The following RIMBP2 variants were observed in gnomAD, a reference collection of about 807,000 sequenced individuals.
RIMBP2 encodes RIMS binding protein 2.
In RIMBP2, 48 loss-of-function variants were observed where a neutral mutation model predicts 118.6. The ratio of observed to expected loss-of-function variants is 0.40; its 90% CI spans 0.32 to 0.51. The LOEUF is 0.51. Ranked by LOEUF, RIMBP2 falls within the 20% of genes least tolerant of loss-of-function variation. The probability of loss-of-function intolerance (pLI) is 0.41; values close to 1 mark genes in which losing one functional copy is unlikely to be tolerated. For missense variants in RIMBP2, 1,551 were observed against 1,768.3 expected, an observed-to-expected ratio of 0.88 and a Z score of 2.20; for synonymous variants, 762 against 742.9, an observed-to-expected ratio of 1.03 and a Z score of -0.42.
rs187123369 is a variant in RIMBP2, at chr12:130,621,449, C to T, written c.-217+6873G>A. Among the ~76,000 whole-genome samples the T allele has an allele frequency of 6.2e-4, 94 of 152,308 alleles. No homozygotes were observed. In the South Asian group the frequency reaches 7.9e-3, roughly 13 times the overall value. On this transcript the variant is annotated intron_variant, in intron 2 of 22. Coordinates refer to ENST00000690449, the MANE Select transcript of RIMBP2 (RefSeq NM_001393629.1). This position sits in a 1 kb window ranked among gnomAD's most constrained non-coding sequence, Gnocchi z 6.6. ...CCAAAACATCGGCAGAGTTCCTGGACGTAGCCGTTCCTGAAGCTAGAATCT... is the reference window on the plus strand; with the variant it reads ...CCAAAACATCGGCAGAGTTCCTGGATGTAGCCGTTCCTGAAGCTAGAATCT...
chr12:130,505,466 T>TC (rs1176206767), intron 4 of RIMBP2, among the ~76,000 whole-genome samples: 2 of 49,766 alleles, frequency 4.0e-5, no homozygotes, highest in African/African-American at 8.3e-5. Context: ...CTCATCCCCA[T>TC]CCCCCCCATC....
Position 130,535,752 on chromosome 12 carries a change from T to TACACATATAC in RIMBP2, c.-216-17836_-216-17835insGTATATGTGT, listed in dbSNP as rs2053998875. ...ACATATATATACATATATATATATATATATATATATATATATATATATATA... is the reference window on the plus strand; with the variant it reads ...ACATATATATACATATATATATATATACACATATACATATATATATATATATATATATATA... On this transcript the variant is annotated intron_variant, in intron 2 of 22. Coordinates refer to ENST00000690449, the MANE Select transcript of RIMBP2 (RefSeq NM_001393629.1). Among the ~76,000 whole-genome samples the TACACATATAC allele has an allele frequency of 9.1e-5, 5 of 54,912 alleles. 1 individual carries two copies. Among genetic ancestry groups the TACACATATAC allele is most frequent in the South Asian group, 1.5e-3 (2 of 1,322 alleles). 36.0% of individuals were successfully genotyped at this position (54,912 alleles called of 152,430 possible).
Position 130,576,618 on chromosome 12 carries a change from T to G in RIMBP2, c.-217+51704A>C, listed in dbSNP as rs2140132540. Among the ~76,000 whole-genome samples the G allele has an allele frequency of 6.6e-6, 1 of 152,232 alleles. No homozygotes were observed. Reference sequence around the variant, plus strand: ...AGTGGCTGGTAAACCCGAGCCTCCCTGGGTCTGGAAAATGGAGAGATGAGG... The same window carrying G: ...AGTGGCTGGTAAACCCGAGCCTCCCGGGGTCTGGAAAATGGAGAGATGAGG... On this transcript the variant is annotated intron_variant, in intron 2 of 22. Transcript: ENST00000690449. This position sits in a 1 kb window ranked among gnomAD's most constrained non-coding sequence, Gnocchi z 4.2.
chr12:130,549,361 G>T (rs1272313515), intron 2 of RIMBP2, among the ~76,000 whole-genome samples: 2 of 152,202 alleles, frequency 1.3e-5, no homozygotes, highest in African/African-American at 4.8e-5. Flanking sequence ...AAACAGTCCA[G>T]TGTTTTTTCT....
At chr12:130,533,582 C>G (rs2053703348) in intron 2 of RIMBP2, among the ~76,000 whole-genome samples, 1 of 152,208 alleles carries the variant, frequency 6.6e-6, no homozygotes, top group South Asian at 2.1e-4. Flanking sequence ...GAAAACAAAT[C>G]ATTGTATCAA....
rs199912220 is a variant in RIMBP2, at chr12:130,646,454, G to A, written c.-351-17998C>T. ...CTCCACCTCCCTTGCCACCTCCCTC[G>A]CCACCTCCCTCGCTACCTCCCTCAC... On this transcript the variant is annotated intron_variant, in intron 1 of 22. Coordinates refer to ENST00000690449, the MANE Select transcript of RIMBP2 (RefSeq NM_001393629.1). 2.4e-3 allele frequency among the ~76,000 whole-genome samples: 178 copies of A among 73,644 alleles called. 36 individuals are homozygous for A. Among genetic ancestry groups the A allele is most frequent in the East Asian group, 5.1e-3 (7 of 1,362 alleles). The allele number at this position is 73,644 out of a possible 152,430, so 48.3% of individuals were successfully genotyped here.
At chr12:130,438,019 G>A (rs538696867) in intron 12 of RIMBP2, among the ~76,000 whole-genome samples, 4 of 152,310 alleles carry the variant, frequency 2.6e-5, no homozygotes, top group Middle Eastern at 3.4e-3. Context: ...GGCGGGACGC[G>A]CCTTCGGCCA....
chr12:130,459,603 C>G (rs1040917133), intron 6 of RIMBP2, among the ~76,000 whole-genome samples: 1 of 152,146 alleles, frequency 6.6e-6, no homozygotes, highest in East Asian at 1.9e-4. Context: ...GGGCTAAGGG[C>G]GGCTGAGGTC....
Position 130,424,817 on chromosome 12 carries a change from C to T in RIMBP2, c.2454G>A (p.Glu818=), listed in dbSNP as rs2136772522. Residue 818 remains glutamate, a synonymous_variant, in exon 16 of 23, where the codon GAG becomes GAA. Coordinates refer to ENST00000690449, the MANE Select transcript of RIMBP2 (RefSeq NM_001393629.1). This position sits in a 1 kb window ranked among gnomAD's most constrained non-coding sequence, Gnocchi z 9.8. ...GGGGCTGGTGGGGAAACTCGGGCTG[C>T]TCCCAGAAAGTGCCTTCCGAGGTCC... ...DHRTSEGTFW[E]QPEFPHQPHR... The T allele has an allele frequency of 2.4e-6, 3 of 1,232,716 alleles. No homozygotes were observed. Among genetic ancestry groups the T allele is most frequent in the Non-Finnish European group, 3.0e-6 (3 of 988,434 alleles). 76.4% of individuals were successfully genotyped at this position (1,232,716 alleles called of 1,614,324 possible).
chr12:130,472,786 A>C (rs2081117123), intron 5 of RIMBP2, among the ~76,000 whole-genome samples: 1 of 152,198 alleles, frequency 6.6e-6, no homozygotes, highest in African/African-American at 2.4e-5. Context: ...GTTTCTGTAG[A>C]GTTCATTCAT....
chr12:130,662,378 C>T (rs1414639715), intron 1 of RIMBP2, among the ~76,000 whole-genome samples: 10 of 152,098 alleles, frequency 6.6e-5, no homozygotes, highest in African/African-American at 2.4e-4. Context: ...AATCTGGAGG[C>T]GGAGCGCGGT....
intron 21 of RIMBP2, among the ~76,000 whole-genome samples, chr12:130,403,293 T>C (rs930524356): frequency 6.6e-6 from 1 of 152,194 alleles, no homozygotes; most frequent in Non-Finnish European, 1.5e-5. Flanking sequence ...TAAAACCATT[T>C]GGAGGAGTGG....
chr12:130,628,706 A>G, intron 1 of RIMBP2, among the ~76,000 whole-genome samples: 1 of 152,180 alleles, frequency 6.6e-6, no homozygotes. Flanking sequence ...ACAATACAAC[A>G]CAGCCATTGA....
chr12:130,503,778 C>T (rs1593556105), intron 4 of RIMBP2, among the ~76,000 whole-genome samples: 1 of 152,216 alleles, frequency 6.6e-6, no homozygotes, highest in East Asian at 1.9e-4. Context: ...TCCCTGGAAA[C>T]TCGGAGCCAA....
At chr12:130,421,109 C>T (rs569471747) in intron 17 of RIMBP2, 3 of 152,124 alleles carry the variant, frequency 2.0e-5, no homozygotes, top group East Asian at 1.9e-4. Context: ...CAGGACATCT[C>T]GGACAGGTCA....
At chr12:130,462,453 C>T (rs1187885686) in intron 6 of RIMBP2, among the ~76,000 whole-genome samples, 5 of 152,196 alleles carry the variant, frequency 3.3e-5, no homozygotes, top group Non-Finnish European at 2.9e-5. Context: ...AGGCACGCTA[C>T]TCGGCGTGAC....
chr12:130,479,069 G>A (rs2081711178), intron 4 of RIMBP2, 53 bp from the exon 5 acceptor site: 5 of 1,458,756 alleles, frequency 3.4e-6, no homozygotes, highest in South Asian at 2.4e-5. Context: ...GCCCATGGGC[G>A]TGCATCCTAT....
intron 6 of RIMBP2, among the ~76,000 whole-genome samples, chr12:130,467,165 C>T (rs1279084829): frequency 6.6e-6 from 1 of 152,200 alleles, no homozygotes; most frequent in Non-Finnish European, 1.5e-5. Flanking sequence ...AAGATAACAG[C>T]CCTTTCCCAA....
In RIMBP2 at chr12:130,630,921, T is replaced by C. The variant is rs533542847; in HGVS notation, c.-351-2465A>G. Among the ~76,000 whole-genome samples, 8 of 151,610 alleles carry C rather than the reference T, an allele frequency of 5.3e-5. No homozygotes were observed. In the South Asian group the frequency reaches 1.7e-3, roughly 32 times the overall value. ...CCGCAGCCTGTTCTTTCTTAGGAAA[T>C]GACTGGAAGCTGTGCTGCAGCAAAA... is the stretch of plus-strand genomic sequence containing the variant. On this transcript the variant is annotated intron_variant, in intron 1 of 22. Transcript: ENST00000690449.
Sources: allele counts gnomAD v4.1 joint callset (sites outside exome capture counted in the v4.1 genomes callset), GRCh38; gene constraint gnomAD v4.1.1; non-coding constraint Gnocchi (gnomAD v3.1); transcripts MANE v1.5; gene names NCBI Gene and HGNC (gene_info 2026-07-23, HGNC 2026-07-21).